The following SEC11A variants were observed in gnomAD, a reference collection of about 807,000 sequenced individuals.
SEC11A encodes SEC11 homolog A, signal peptidase complex subunit.
Under a neutral mutation model 25.6 loss-of-function variants are expected in SEC11A, and 14 were observed. The observed-to-expected ratio is 0.55, with a 90% CI of 0.36 to 0.85. The LOEUF is 0.85. SEC11A is among the 40% of genes least tolerant of loss of function. The pLI is 0.01. For missense variants in SEC11A, 153 were observed against 222.9 expected, an observed-to-expected ratio of 0.69 and a Z score of 2.00; for synonymous variants, 83 against 76.4, an observed-to-expected ratio of 1.09 and a Z score of -0.45.
At chr15:84,683,515 T>C (rs142349820) in intron 3 of SEC11A, among the ~76,000 whole-genome samples, 3,194 of 152,256 alleles carry the variant, frequency 0.021, 51 homozygotes, top group Non-Finnish European at 0.028. Context: ...TTCATCTACT[T>C]AGTGAAACAA....
intron 1 of SEC11A, among the ~76,000 whole-genome samples, chr15:84,710,238 G>A (rs1330706971): frequency 6.6e-6 from 1 of 152,098 alleles, no homozygotes; most frequent in East Asian, 1.9e-4. Context: ...AGTAGTCCAT[G>A]TTTGTTGAAT....
chr15:84,683,717 G>A (rs1330503169), intron 3 of SEC11A, among the ~76,000 whole-genome samples: 1 of 152,046 alleles, frequency 6.6e-6, no homozygotes, highest in East Asian at 1.9e-4. Context: ...TAGAGACAGG[G>A]TTTCACCATG....
intron 1 of SEC11A, among the ~76,000 whole-genome samples, chr15:84,703,839 A>G (rs1369914327): frequency 6.6e-6 from 1 of 152,246 alleles, no homozygotes; most frequent in Non-Finnish European, 1.5e-5. Context: ...ATTGTGTGCC[A>G]TATAAGTGCT....
intron 1 of SEC11A, 109 bp from the exon 2 acceptor site, chr15:84,691,753 C>T: frequency 1.6e-6 from 1 of 624,514 alleles, no homozygotes; most frequent in Non-Finnish European, 2.8e-6. Flanking sequence ...AGGACAACTA[C>T]AGTTCTGAGA....
At chr15:84,701,852 AG>A (rs1897953442) in intron 1 of SEC11A, among the ~76,000 whole-genome samples, 1 of 148,042 alleles carries the variant, frequency 6.8e-6, no homozygotes, top group Non-Finnish European at 1.5e-5. Flanking sequence ...GGCGGATCAC[AG>A]GTCAAGAGAT....
At chr15:84,691,009 A>G (rs1897588113) in intron 2 of SEC11A, among the ~76,000 whole-genome samples, 1 of 152,122 alleles carries the variant, frequency 6.6e-6, no homozygotes, top group Non-Finnish European at 1.5e-5. Context: ...TTTTTGTAGA[A>G]AGGTCATGAG....
At chr15:84,706,051 G>T (rs1031864085) in intron 1 of SEC11A, among the ~76,000 whole-genome samples, 1 of 151,530 alleles carries the variant, frequency 6.6e-6, no homozygotes, top group Non-Finnish European at 1.5e-5. Context: ...GGGAATACAG[G>T]TGCCCGCCAC....
chr15:84,697,779 G>C (rs2141905991), intron 1 of SEC11A, among the ~76,000 whole-genome samples: 1 of 152,250 alleles, frequency 6.6e-6, no homozygotes, highest in South Asian at 2.1e-4. Context: ...AAATAAGGTG[G>C]CAGCTACCTA....
rs780104238 is a variant in SEC11A, at chr15:84,680,843, T to C, written c.312-11A>G. ...ATATGCCCATTTTGCCTTAAAAGAG[T>C]AAAGGAAACCCAAGTCATCAAATAC... On this transcript the variant is annotated splice_polypyrimidine_tract_variant and intron_variant, in intron 3 of 5. Coordinates refer to ENST00000268220, the MANE Select transcript of SEC11A (RefSeq NM_014300.4). The C allele has an allele frequency of 2.5e-6, 4 of 1,594,276 alleles. No individual in the cohort carries two copies. Among genetic ancestry groups the C allele is most frequent in the South Asian group, 2.3e-5 (2 of 88,430 alleles).
intron 4 of SEC11A, among the ~76,000 whole-genome samples, chr15:84,674,301 T>C (rs1469843874): frequency 1.3e-5 from 2 of 151,930 alleles, no homozygotes; most frequent in Non-Finnish European, 2.9e-5. Context: ...ATAAAAGCAA[T>C]AGCTTTCAGT....
Position 84,691,607 on chromosome 15 carries a change from G to A in SEC11A, c.89C>T (p.Ser30Leu). The change falls in exon 2 of 6, where the codon TCA becomes TTA. Residue 30 changes from serine to leucine, a missense_variant. Physicochemically the swap from Ser to Leu is moderately radical, Grantham distance 145 (BLOSUM62 -2). Transcript: ENST00000268220. ...CCCCTTCCAGATCATTAGTGCCGAT[G>A]AGACAATCATTCCAAAATTTAGGAC... ...YQVLNFGMIV[S>L]SALMIWKGLM... 6.2e-7 allele frequency: 1 copy of A among 1,612,864 alleles called. No homozygotes were observed. The highest frequency in any genetic ancestry group is 8.5e-7 in the Non-Finnish European group (1 of 1,179,016).
intron 1 of SEC11A, among the ~76,000 whole-genome samples, chr15:84,699,323 A>C (rs973742658): frequency 4.0e-5 from 6 of 151,814 alleles, no homozygotes; most frequent in African/African-American, 1.5e-4. Context: ...CTCCAAAAAA[A>C]AAAAAAAAAA....
chr15:84,694,848 T>G (rs1897714616), intron 1 of SEC11A, among the ~76,000 whole-genome samples: 1 of 151,772 alleles, frequency 6.6e-6, no homozygotes, highest in South Asian at 2.1e-4. Flanking sequence ...TCCCAGCACT[T>G]TGAGAGGCCG....
chr15:84,699,503 TAGAA>T (rs756160034), intron 1 of SEC11A, among the ~76,000 whole-genome samples: 3 of 152,062 alleles, frequency 2.0e-5, no homozygotes, highest in Non-Finnish European at 4.4e-5. Flanking sequence ...TGTGATTACT[TAGAA>T]AGGGGAAACA....
intron 1 of SEC11A, among the ~76,000 whole-genome samples, chr15:84,715,030 T>C (rs142383766): frequency 6.6e-6 from 1 of 152,292 alleles, no homozygotes; most frequent in Non-Finnish European, 1.5e-5. Context: ...GCGCAATTTT[T>C]ATAGAATGCT....
Position 84,685,008 on chromosome 15 carries a change from G to C in SEC11A, c.311+2617C>G, listed in dbSNP as rs187085303. 2.8e-4 allele frequency among the ~76,000 whole-genome samples: 42 copies of C among 152,226 alleles called. No individual in the cohort carries two copies. The East Asian group carries it at 8.1e-3, about 29-fold the overall frequency. On this transcript the variant is annotated intron_variant, in intron 3 of 5. Coordinates refer to ENST00000268220, the MANE Select transcript of SEC11A (RefSeq NM_014300.4). ...TTTCAGTCTCCCCAAAAGAAAAAAA[G>C]AAAATTGAAAATTTCTGAATATTAA...
chr15:84,706,460 A>C (rs1235565282), intron 1 of SEC11A, among the ~76,000 whole-genome samples: 1 of 152,146 alleles, frequency 6.6e-6, no homozygotes, highest in East Asian at 1.9e-4. Context: ...CAGTACTCCC[A>C]TCTAAAAGTC....
intron 4 of SEC11A, among the ~76,000 whole-genome samples, chr15:84,676,065 G>A (rs747763033): frequency 2.8e-4 from 43 of 152,168 alleles, no homozygotes; most frequent in Non-Finnish European, 5.7e-4. Context: ...AAATGTTCTG[G>A]AATTAGATAG....
Position 84,670,743 on chromosome 15 carries a change from A to G in SEC11A, c.471T>C (p.Asn157=). 1 of 1,452,308 alleles carries G rather than the reference A, an allele frequency of 6.9e-7. No homozygotes were observed. Among genetic ancestry groups the G allele is most frequent in the African/African-American group, 1.4e-5 (1 of 70,208 alleles). The allele number at this position is 1,452,308 out of a possible 1,614,324, so 90.0% of individuals were successfully genotyped here. Residue 157 remains asparagine, a synonymous_variant, in exon 5 of 6, where the codon AAT becomes AAC. Transcript: ENST00000268220. ...PYIGIVTILM[N]DYPKFKYAVL... is the part of the protein sequence containing the mutation. Reference sequence around the variant, plus strand: ...CTCTTACCTTAAATTTAGGATAGTCATTCATGAGGATCGTCACAATTCCAA... The same window carrying G: ...CTCTTACCTTAAATTTAGGATAGTCGTTCATGAGGATCGTCACAATTCCAA...
Sources: allele counts gnomAD v4.1 joint callset (sites outside exome capture counted in the v4.1 genomes callset), GRCh38; gene constraint gnomAD v4.1.1; transcripts MANE v1.5; gene names NCBI Gene and HGNC (gene_info 2026-07-23, HGNC 2026-07-21).